Variants in NOX4 observed in about 807,000 individuals in gnomAD.
NOX4 encodes kidney oxidase-1.
In NOX4, 69 loss-of-function variants were observed where a neutral mutation model predicts 87.6. The ratio of observed to expected loss-of-function variants is 0.79; its 90% CI spans 0.65 to 0.96. NOX4 has a LOEUF of 0.96. NOX4 is among the 40% of genes least tolerant of loss of function. The pLI, the probability that NOX4 is intolerant of heterozygous loss-of-function variation, is 0.00. For missense variants in NOX4, 680 were observed against 681.5 expected (o/e 1.00, Z 0.02); for synonymous variants, 275 against 238.2 (o/e 1.15, Z -1.42).
At chr11:89,361,023 A>T (rs551372233) in intron 12 of NOX4, among the ~76,000 whole-genome samples, 35 of 152,196 alleles carry the variant, frequency 2.3e-4, no homozygotes, top group Admixed American at 1.2e-3. Context: ...AGTGCAAATG[A>T]CTATGTACAA....
At chr11:89,493,100 C>A (rs541650635), upstream of NOX4, among the ~76,000 whole-genome samples, 1 of 152,272 alleles carries the variant, frequency 6.6e-6, no homozygotes, top group Admixed American at 6.5e-5. Flanking sequence ...AGATGAGAAA[C>A]GGACTGCCGG....
At chr11:89,451,921 C>T (rs1025527408) in intron 2 of NOX4, 26 bp from the exon 3 acceptor site, 14 of 1,498,064 alleles carry the variant, frequency 9.3e-6, no homozygotes, top group South Asian at 3.4e-5. Flanking sequence ...AAGGTCAGCA[C>T]ACAGTTAAGG....
chr11:89,335,582 CT>C (rs1478711127), intron 17 of NOX4, among the ~76,000 whole-genome samples: 1 of 151,554 alleles, frequency 6.6e-6, no homozygotes, highest in Non-Finnish European at 1.5e-5. Flanking sequence ...TAATATAGGC[CT>C]ATACAAATTT....
At chr11:89,473,736 A>G (rs1272477903) in intron 2 of NOX4, among the ~76,000 whole-genome samples, 3 of 152,238 alleles carry the variant, frequency 2.0e-5, no homozygotes, top group East Asian at 1.9e-4. Context: ...TCAAAATACT[A>G]GCAATCTTAG....
chr11:89,376,128 C>T (rs1273579108), intron 11 of NOX4, among the ~76,000 whole-genome samples: 4 of 152,210 alleles, frequency 2.6e-5, no homozygotes, highest in Non-Finnish European at 4.4e-5. Context: ...TCTTCGAATG[C>T]TAATCTGGTT....
chr11:89,338,340 C>T (rs1290193528), intron 15 of NOX4, among the ~76,000 whole-genome samples: 4 of 152,028 alleles, frequency 2.6e-5, no homozygotes, highest in Non-Finnish European at 5.9e-5. Flanking sequence ...CTTTTTAAGG[C>T]TGAATAGTTA....
the NOX4 span, among the ~76,000 whole-genome samples, chr11:89,576,570 C>T: frequency 2.0e-5 from 3 of 152,154 alleles, no homozygotes; most frequent in East Asian, 1.9e-4. Flanking sequence ...TGTCTGCTCA[C>T]ATTTTCACAT....
intron 13 of NOX4, among the ~76,000 whole-genome samples, chr11:89,349,240 T>C (rs1447529540): frequency 1.3e-5 from 2 of 151,880 alleles, no homozygotes; most frequent in Non-Finnish European, 2.9e-5. Context: ...TGAGCCGAAA[T>C]TGCACCACTG....
chr11:89,486,578 G>GTATGTGTATATA (rs112187020), intron 2 of NOX4, among the ~76,000 whole-genome samples: 1 of 112,408 alleles, frequency 8.9e-6, no homozygotes, highest in African/African-American at 4.5e-5. Context: ...ACATATATAT[G>GTATGTGTATATA]TGTGTATATA....
At chr11:89,396,412 G>T (rs1414351157) in intron 11 of NOX4, among the ~76,000 whole-genome samples, 1 of 152,012 alleles carries the variant, frequency 6.6e-6, no homozygotes, top group Non-Finnish European at 1.5e-5. Context: ...GGGCTGAGAC[G>T]ATGGGGTTTT....
At chr11:89,466,109 A>T (rs1366002860) in intron 2 of NOX4, among the ~76,000 whole-genome samples, 2 of 152,160 alleles carry the variant, frequency 1.3e-5, no homozygotes, top group African/African-American at 4.8e-5. Context: ...CCCTAAATCT[A>T]TTGACACTGT....
the NOX4 span, among the ~76,000 whole-genome samples, chr11:89,538,689 C>CT: frequency 2.0e-5 from 3 of 151,660 alleles, no homozygotes; most frequent in Non-Finnish European, 2.9e-5. Flanking sequence ...TTCTCCAAAA[C>CT]TCAGTGCTTA....
the NOX4 span, among the ~76,000 whole-genome samples, chr11:89,507,347 C>CGT: frequency 6.6e-6 from 1 of 151,150 alleles, no homozygotes; most frequent in Non-Finnish European, 1.5e-5. Flanking sequence ...AGTAAAGTTA[C>CGT]GTGTGTGTAT....
intron 4 of NOX4, among the ~76,000 whole-genome samples, chr11:89,447,630 C>T (rs1329418658): frequency 6.6e-6 from 1 of 152,120 alleles, no homozygotes; most frequent in Non-Finnish European, 1.5e-5. Flanking sequence ...GAATGCAAAC[C>T]CTCTGGAACA....
At chr11:89,551,717 T>C in the NOX4 span, among the ~76,000 whole-genome samples, 6 of 152,288 alleles carry the variant, frequency 3.9e-5, no homozygotes, top group Middle Eastern at 3.4e-3. Context: ...GTTTTCTAAA[T>C]ATACAATCAT....
At chr11:89,471,834 T>C (rs769596294) in intron 2 of NOX4, among the ~76,000 whole-genome samples, 9 of 152,146 alleles carry the variant, frequency 5.9e-5, no homozygotes, top group Non-Finnish European at 1.5e-5. Context: ...CTCCGCCTCC[T>C]GGGTTCAAGC....
At chr11:89,499,331 T>C (rs1282788465), upstream of NOX4, 1 of 152,136 alleles carries the variant, frequency 6.6e-6, no homozygotes, top group Non-Finnish European at 1.5e-5. Flanking sequence ...TCAAAATATA[T>C]TTAATGAACA....
At chr11:89,475,612 C>T (rs989967954) in intron 2 of NOX4, among the ~76,000 whole-genome samples, 3 of 151,910 alleles carry the variant, frequency 2.0e-5, no homozygotes, top group Non-Finnish European at 2.9e-5. Context: ...GATATATTAA[C>T]GTAAAGCGCA....
intron 8 of NOX4, among the ~76,000 whole-genome samples, chr11:89,405,752 G>GA (rs1323315711): frequency 3.6e-3 from 247 of 68,270 alleles, no homozygotes; most frequent in Middle Eastern, 0.01. Flanking sequence ...GGTTAAAAAA[G>GA]AAAAAAAAAA....
Sources: allele counts gnomAD v4.1 joint callset (sites outside exome capture counted in the v4.1 genomes callset), GRCh38; gene constraint gnomAD v4.1.1; transcripts MANE v1.5; gene names NCBI Gene and HGNC (gene_info 2026-07-23, HGNC 2026-07-21).